The following SMC4 variants were observed in gnomAD, a reference collection of about 807,000 sequenced individuals.
SMC4 encodes structural maintenance of chromosomes 4, also known as structural maintenance of chromosomes protein 4.
In SMC4, 87 loss-of-function variants were observed where a neutral mutation model predicts 145.6. The observed-to-expected ratio is 0.60, with a 90% CI of 0.50 to 0.71. SMC4 has a LOEUF of 0.71. SMC4 is among the 30% of genes least tolerant of loss of function. The pLI is 0.00. For synonymous variants in SMC4, 558 were observed against 500.7 expected (o/e 1.11, Z -1.53); for missense variants, 1,447 against 1,537.1 (o/e 0.94, Z 0.98).
rs1560018965 is a variant in SMC4 at position 160,433,751 on chromosome 3, A to G, written c.3809A>G (p.Asn1270Ser). 6.2e-7 allele frequency: 1 copy of G among 1,601,502 alleles called. No individual in the cohort carries two copies. Among genetic ancestry groups the G allele is most frequent in the Non-Finnish European group, 8.5e-7 (1 of 1,174,442 alleles). The change falls in exon 24 of 24, where the codon AAC becomes AGC. Residue 1270 changes from asparagine (N) to serine (S), a missense_variant. Asn to Ser is a conservative substitution (Grantham distance 46). Transcript: ENST00000357388. ...CTTATTGGAATTTACAAGACATACAACATAACAAAAAGTGTTGCTGTAAAT... is the reference window on the plus strand; with the variant it reads ...CTTATTGGAATTTACAAGACATACAGCATAACAAAAAGTGTTGCTGTAAAT... ...DRLIGIYKTY[N>S]ITKSVAVNPK...
intron 11 of SMC4, 152 bp downstream of exon 11, chr3:160,418,108 C>T: frequency 1.5e-6 from 1 of 671,852 alleles, no homozygotes; most frequent in Non-Finnish European, 2.6e-6. Context: ...TTTCAGTATT[C>T]CATATGTGAA....
At chr3:160,417,092 A>G (rs1471883849) in intron 10 of SMC4, among the ~76,000 whole-genome samples, 1 of 152,196 alleles carries the variant, frequency 6.6e-6, no homozygotes, top group Non-Finnish European at 1.5e-5. Flanking sequence ...TATGTACCAC[A>G]GCATTTTTGA....
Position 160,423,905 on chromosome 3 carries a change from AC to A in SMC4, c.2325+66del. On this transcript the variant is annotated intron_variant, in intron 15 of 23. Transcript: ENST00000357388. ...TTTAAATAGCTTTACCGAGGTATAT[AC>A]TTACTACAAAATTTGGCCATTTTAA... 3 of 1,310,670 alleles carry A rather than the reference AC, an allele frequency of 2.3e-6. No homozygotes were observed. In the South Asian group the frequency reaches 4.6e-5, roughly 20 times the overall value. 81.2% of individuals were successfully genotyped at this position (1,310,670 alleles called of 1,614,324 possible).
At chr3:160,423,373 G>A in intron 13 of SMC4, 52 bp from the exon 14 acceptor site, 2 of 651,758 alleles carry the variant, frequency 3.1e-6, no homozygotes, top group South Asian at 7.1e-5. Context: ...TTTTTTTTGA[G>A]TTTTCTTTTT....
intron 2 of SMC4, 45 bp from the exon 3 acceptor site, chr3:160,401,870 T>A: frequency 6.6e-7 from 1 of 1,507,546 alleles, no homozygotes. Flanking sequence ...TGTAGGCTTT[T>A]CCCCCGCCGT....
At chr3:160,423,171 G>T (rs761699514) in intron 13 of SMC4, among the ~76,000 whole-genome samples, 6 of 152,150 alleles carry the variant, frequency 3.9e-5, no homozygotes, top group Non-Finnish European at 5.9e-5. Context: ...AAAAGGCGAG[G>T]AAGTAACTGG....
rs995095303 is a variant in SMC4 at position 160,417,747 on chromosome 3, T to A, written c.1462T>A (p.Phe488Ile). ...KESREKELMG[F>I]SKSVNEARSK... ...GAGTCGAGAGAAAGAACTTATGGGT[T>A]TCAGCAAATCGGTAAATGAAGCACG... Residue 488 changes from phenylalanine (F) to isoleucine (I), a missense_variant, in exon 11 of 24, where the codon TTC (phenylalanine) becomes ATC (isoleucine). Transcript: ENST00000357388. 3.1e-6 allele frequency: 5 copies of A among 1,612,346 alleles called. No individual in the cohort carries two copies. The highest frequency in any genetic ancestry group is 4.2e-6 in the Non-Finnish European group (5 of 1,179,704).
At position 160,400,973 on chromosome 3, in the gene SMC4, A is replaced by G; in HGVS notation, c.139+8A>G. Reference sequence around the variant, plus strand: ...GCCCAGCCACCGCCGCAGGTGAGTGACCCGCCGCGACTCGGCGGGAACGCG... The same window carrying G: ...GCCCAGCCACCGCCGCAGGTGAGTGGCCCGCCGCGACTCGGCGGGAACGCG... On this transcript the variant is annotated splice_region_variant and intron_variant, in intron 2 of 23. Transcript: ENST00000357388. 2 of 1,386,532 alleles carry G rather than the reference A, an allele frequency of 1.4e-6. No homozygotes were observed. The highest frequency in any genetic ancestry group is 3.3e-5 in the South Asian group (2 of 61,438). The allele number at this position is 1,386,532 out of a possible 1,614,324, so 85.9% of individuals were successfully genotyped here.
At chr3:160,432,618 C>A in intron 22 of SMC4, 103 bp downstream of exon 22, 1 of 745,536 alleles carries the variant, frequency 1.3e-6, no homozygotes. Flanking sequence ...AGATGTACAA[C>A]TTGTTTCATT....
chr3:160,408,052 A>G (rs1463360314), intron 5 of SMC4, among the ~76,000 whole-genome samples: 1 of 152,198 alleles, frequency 6.6e-6, no homozygotes, highest in African/African-American at 2.4e-5. Flanking sequence ...AAATAAAAAG[A>G]TGATCAAGAT....
Position 160,433,647 on chromosome 3 carries a change from T to C in SMC4, c.3715-10T>C. On this transcript the variant is annotated splice_polypyrimidine_tract_variant and intron_variant, in intron 23 of 23. Transcript: ENST00000357388. Reference sequence around the variant, plus strand: ...TACTTAATGTTTGACTTTTCTTTGTTTCTCTTTAGGAACAAACAAAAAATG... The same window carrying C: ...TACTTAATGTTTGACTTTTCTTTGTCTCTCTTTAGGAACAAACAAAAAATG... The C allele has an allele frequency of 6.7e-7, 1 of 1,498,546 alleles. No homozygotes were observed. The highest frequency in any genetic ancestry group is 9.0e-7 in the Non-Finnish European group (1 of 1,111,814). 92.8% of individuals were successfully genotyped at this position (1,498,546 alleles called of 1,614,324 possible). A position where few individuals can be genotyped will look rare whatever the true frequency, so the allele number is the denominator to read the frequency against.
chr3:160,432,334 A>G lies in SMC4; in HGVS notation c.3349A>G (p.Arg1117Gly). 6.2e-7 allele frequency: 1 copy of G among 1,613,160 alleles called. No individual in the cohort carries two copies. Among genetic ancestry groups the G allele is most frequent in the Non-Finnish European group, 8.5e-7 (1 of 1,179,782 alleles). The change falls in exon 22 of 24, where the codon AGA (arginine) becomes GGA (glycine). Residue 1117 changes from arginine (R) to glycine (G), a missense_variant. Transcript: ENST00000357388. ...AGAATTGGACAAAATTACTTATGAAAGAGACAGTTTTAGACAGGCATATGA... is the reference window on the plus strand; with the variant it reads ...AGAATTGGACAAAATTACTTATGAAGGAGACAGTTTTAGACAGGCATATGA... The part of the protein sequence containing the change: ...VAELDKITYE[R>G]DSFRQAYEDL...
chr3:160,428,833 A>C lies in SMC4; in HGVS notation c.2686A>C (p.Asn896His). The change falls in exon 18 of 24, where the codon AAT becomes CAT. Residue 896 changes from asparagine (N) to histidine (H), a missense_variant. Coordinates refer to ENST00000357388, the MANE Select transcript of SMC4 (RefSeq NM_001002800.3). ...RLHNTIVEIN[N>H]HKLKAQQDKL... ...ACACAATACCATCGTAGAAATCAATAATCATAAACTCAAGGCCCAACAAGA... is the reference window on the plus strand; with the variant it reads ...ACACAATACCATCGTAGAAATCAATCATCATAAACTCAAGGCCCAACAAGA... 1 of 1,607,202 alleles carries C rather than the reference A, an allele frequency of 6.2e-7. No individual in the cohort carries two copies. The highest frequency in any genetic ancestry group is 8.5e-7 in the Non-Finnish European group (1 of 1,178,614).
At position 160,400,997 on chromosome 3, in the gene SMC4, C is replaced by G. The variant is rs1401418977; in HGVS notation, c.139+32C>G. 3.6e-6 allele frequency: 5 copies of G among 1,373,884 alleles called. No individual in the cohort carries two copies. The East Asian group carries it at 1.2e-4, about 34-fold the overall frequency. The allele number at this position is 1,373,884 out of a possible 1,614,324, so 85.1% of individuals were successfully genotyped here. ...GACCCGCCGCGACTCGGCGGGAACG[C>G]GCGCTGTGGGACTGGCAGGCAAACG... On this transcript the variant is annotated intron_variant, in intron 2 of 23. Coordinates refer to ENST00000357388, the MANE Select transcript of SMC4 (RefSeq NM_001002800.3).
At chr3:160,407,227 T>G (rs1715433032) in intron 5 of SMC4, among the ~76,000 whole-genome samples, 1 of 152,206 alleles carries the variant, frequency 6.6e-6, no homozygotes. Context: ...CTTCATATGC[T>G]TTTGTCTTCA....
rs892228195 is a variant in SMC4, at chr3:160,434,680, C to G, written c.*871C>G. 1 of 152,150 alleles carries G rather than the reference C, an allele frequency of 6.6e-6. No individual in the cohort carries two copies. Among genetic ancestry groups the G allele is most frequent in the Non-Finnish European group, 1.5e-5 (1 of 68,030 alleles). 9.4% of individuals were successfully genotyped at this position (152,150 alleles called of 1,614,324 possible). On this transcript the variant is annotated 3_prime_UTR_variant, in exon 24 of 24. Coordinates refer to ENST00000357388, the MANE Select transcript of SMC4 (RefSeq NM_001002800.3). ...ATAAAATTGTCAGCGTATTTTTACA[C>G]TATTGGCTCAAGAATGTTATAATGC...
chr3:160,432,234 C>A, intron 21 of SMC4, 49 bp from the exon 22 acceptor site: 1 of 1,309,700 alleles, frequency 7.6e-7, no homozygotes, highest in Non-Finnish European at 1.1e-6. Flanking sequence ...TGCTAATTAT[C>A]ATATCAAATT....
intron 5 of SMC4, chr3:160,404,954 C>T (rs1295654916): frequency 1.4e-5 from 4 of 290,054 alleles, no homozygotes; most frequent in Admixed American, 1.0e-4. Flanking sequence ...TGATATATAA[C>T]CAAAAAATGA....
chr3:160,410,589 T>C (rs1251247313), intron 5 of SMC4, among the ~76,000 whole-genome samples: 1 of 152,228 alleles, frequency 6.6e-6, no homozygotes, highest in African/African-American at 2.4e-5. Flanking sequence ...AAAATAACTT[T>C]TGGGGTAACA....
Sources: allele counts gnomAD v4.1 joint callset (sites outside exome capture counted in the v4.1 genomes callset), GRCh38; gene constraint gnomAD v4.1.1; transcripts MANE v1.5; gene names NCBI Gene and HGNC (gene_info 2026-07-23, HGNC 2026-07-21).